Variants in FBN2 observed in about 807,000 individuals in gnomAD.
The protein encoded by FBN2 is fibrillin-2.
In FBN2, 105 loss-of-function variants were observed where a neutral mutation model predicts 355.6. The observed-to-expected ratio is 0.30, with a 90% CI of 0.25 to 0.35. FBN2 has a LOEUF of 0.35. Ranked by LOEUF, FBN2 falls within the 10% of genes least tolerant of loss-of-function variation. The pLI is 1.00. For missense variants in FBN2, 3,280 were observed against 3,758.7 expected, an observed-to-expected ratio of 0.87 and a Z score of 3.33; for synonymous variants, 1,350 against 1,301.2, an observed-to-expected ratio of 1.04 and a Z score of -0.81.
intron 5 of FBN2, among the ~76,000 whole-genome samples, chr5:128,471,269 G>A (rs1332568094): frequency 6.6e-6 from 1 of 151,970 alleles, no homozygotes; most frequent in African/African-American, 2.4e-5. Context: ...GTATTTCAAT[G>A]ATGAGGTTAT....
chr5:128,312,127 T>C (rs1051812787), intron 37 of FBN2, among the ~76,000 whole-genome samples, 174 bp from the exon 38 acceptor site: 3 of 152,224 alleles, frequency 2.0e-5, no homozygotes, highest in South Asian at 4.1e-4. Context: ...TAAAAGATCA[T>C]ACTTTATTAA....
chr5:128,267,505 A>G (rs1195752327), intron 62 of FBN2, among the ~76,000 whole-genome samples: 1 of 152,264 alleles, frequency 6.6e-6, no homozygotes, highest in Non-Finnish European at 1.5e-5. Context: ...CTTTTTAATA[A>G]TAGCCATTCT....
In FBN2 at chr5:128,536,602, T is replaced by A. The variant is rs541543632; in HGVS notation, c.255-118A>T. On this transcript the variant is annotated intron_variant, in intron 1 of 64. Transcript: ENST00000262464. ...TTTCAGGACAACAAACAAATCAAAA[T>A]TACACTTCAAATTATTGGAGATCGG... 27 of 756,484 alleles carry A rather than the reference T, an allele frequency of 3.6e-5. No individual in the cohort carries two copies. In the African/African-American group the frequency reaches 4.5e-4, roughly 13 times the overall value. 46.9% of individuals were successfully genotyped at this position (756,484 alleles called of 1,614,324 possible). A position where few individuals can be genotyped will look rare whatever the true frequency, so the allele number is the denominator to read the frequency against.
At chr5:128,498,470 G>GA (rs1462638380) in intron 5 of FBN2, among the ~76,000 whole-genome samples, 1 of 151,730 alleles carries the variant, frequency 6.6e-6, no homozygotes, top group Non-Finnish European at 1.5e-5. Context: ...CTCTGTGCCT[G>GA]AAAAAATGGA....
intron 7 of FBN2, among the ~76,000 whole-genome samples, chr5:128,409,739 A>G (rs1290792202): frequency 6.6e-6 from 1 of 152,210 alleles, no homozygotes; most frequent in Admixed American, 6.5e-5. Context: ...AATAAAAGCC[A>G]TACATACAGA....
At chr5:128,377,602 G>C (rs1407137534) in intron 13 of FBN2, 150 bp downstream of exon 13, 3 of 847,720 alleles carry the variant, frequency 3.5e-6, no homozygotes, top group Non-Finnish European at 5.8e-6. Context: ...TGCTTTAACA[G>C]TCTTATATTA....
At chr5:128,455,031 TA>T (rs1754344996) in intron 6 of FBN2, among the ~76,000 whole-genome samples, 1 of 152,128 alleles carries the variant, frequency 6.6e-6, no homozygotes, top group Admixed American at 6.5e-5. Flanking sequence ...TTAATATATT[TA>T]AAAAAATTTT....
chr5:128,262,994 G>A (rs1377362584), intron 63 of FBN2, among the ~76,000 whole-genome samples: 1 of 152,170 alleles, frequency 6.6e-6, no homozygotes, highest in Non-Finnish European at 1.5e-5. Flanking sequence ...CAAAGAAAGG[G>A]ACAAACTCCT....
At chr5:128,422,551 G>A (rs1260278812) in intron 7 of FBN2, among the ~76,000 whole-genome samples, 10 of 152,096 alleles carry the variant, frequency 6.6e-5, no homozygotes, top group Non-Finnish European at 8.8e-5. Context: ...ATCCCAACTA[G>A]AAAATGAACT....
At chr5:128,486,773 TC>T (rs1207598163) in intron 5 of FBN2, among the ~76,000 whole-genome samples, 1 of 151,764 alleles carries the variant, frequency 6.6e-6, no homozygotes, top group Non-Finnish European at 1.5e-5. Context: ...CCCTCCCCCA[TC>T]CCCCCACCTC....
chr5:128,318,890 C>T lies in FBN2; in HGVS notation c.4583G>A (p.Gly1528Glu). The change falls in exon 35 of 65, where the codon GGG becomes GAG. Residue 1528 changes from glycine (G) to glutamate (E), a missense_variant. Around this residue, in one of 6 missense-constraint regions of FBN2, gnomAD observed 2,284 missense variants for 2,749.5 expected, o/e 0.83. Transcript: ENST00000262464. Reference protein sequence around the residue: ...DDGYELDRTGGNCTDIDECAD... With the variant: ...DDGYELDRTGENCTDIDECAD... ...GTAACTGACCATACCTGTACAGTTC[C>T]CTCCTGTTCTGTCCAATTCATAACC... 1 of 1,613,366 alleles carries T rather than the reference C, an allele frequency of 6.2e-7. No individual in the cohort carries two copies.
intron 34 of FBN2, among the ~76,000 whole-genome samples, chr5:128,322,346 T>G (rs998236828): frequency 6.6e-6 from 1 of 152,240 alleles, no homozygotes; most frequent in Non-Finnish European, 1.5e-5. Context: ...GTTTCAGTCA[T>G]GAAGTCTTTG....
At chr5:128,517,257 T>C (rs994128039) in intron 5 of FBN2, among the ~76,000 whole-genome samples, 4 of 152,154 alleles carry the variant, frequency 2.6e-5, no homozygotes, top group Non-Finnish European at 5.9e-5. Flanking sequence ...CAAATTGACT[T>C]TGAAATCTGC....
chr5:128,304,886 C>T, intron 45 of FBN2, 71 bp downstream of exon 45: 1 of 1,596,594 alleles, frequency 6.3e-7, no homozygotes, highest in Non-Finnish European at 8.6e-7. Flanking sequence ...ACTCATGGCA[C>T]TTGATGGAAC....
intron 33 of FBN2, among the ~76,000 whole-genome samples, chr5:128,329,629 C>T (rs1408718957): frequency 6.6e-6 from 1 of 152,172 alleles, no homozygotes; most frequent in Non-Finnish European, 1.5e-5. Context: ...CTTTCCTTGA[C>T]ACCACAGTGC....
At chr5:128,315,712 G>T (rs1318319221) in intron 36 of FBN2, among the ~76,000 whole-genome samples, 1 of 151,990 alleles carries the variant, frequency 6.6e-6, no homozygotes, top group African/African-American at 2.4e-5. Flanking sequence ...TTAAATTTTG[G>T]TACAGAAACG....
At chr5:128,443,550 A>G (rs1345236572) in intron 7 of FBN2, among the ~76,000 whole-genome samples, 1 of 152,184 alleles carries the variant, frequency 6.6e-6, no homozygotes, top group Admixed American at 6.5e-5. Context: ...CACAGAAAAT[A>G]TCAATAACAT....
chr5:128,297,158 T>A (rs573363012), intron 48 of FBN2, among the ~76,000 whole-genome samples: 1,818 of 152,262 alleles, frequency 0.012, 44 homozygotes, highest in African/African-American at 0.042. Context: ...TTGAGTGAGA[T>A]TCTTAATCCT....
At chr5:128,363,807 G>A (rs569383630) in intron 18 of FBN2, among the ~76,000 whole-genome samples, 50 of 152,236 alleles carry the variant, frequency 3.3e-4, no homozygotes, top group African/African-American at 1.1e-3. Context: ...ATTATAGCAC[G>A]TAATATAAAT....
Sources: gnomAD v4.1 joint callset for allele counts (sites outside exome capture counted in the v4.1 genomes callset) on GRCh38, gnomAD v4.1.1 for gene constraint, gnomAD v4.1.1 regional missense constraint, MANE v1.5 for transcripts, NCBI Gene and HGNC (gene_info 2026-07-23, HGNC 2026-07-21) for gene names.